The following WWOX variants were observed in gnomAD, a reference collection of about 807,000 sequenced individuals.
WWOX encodes WW domain containing oxidoreductase.
In WWOX, 69 loss-of-function variants were observed where a neutral mutation model predicts 46.2. That is an observed-to-expected ratio of 1.49 (90% CI 1.23 to 1.82). The LOEUF (loss-of-function observed/expected upper bound fraction) is 1.82. Among genes scored for constraint, WWOX ranks in the 40% most tolerant of loss-of-function variants. WWOX has a pLI of 0.00. For synonymous variants in WWOX, 359 were observed against 202.6 expected (o/e 1.77, Z -6.56); for missense variants, 919 against 542.6 (o/e 1.69, Z -6.89).
chr16:78,990,615 G>A lies in WWOX; in HGVS notation c.1057-220993G>A, dbSNP rs145917497. ...CACCCAAGTTGTAAGATGGTAGAGC[G>A]AACAGGCCAGAATGTGATAAAGTAA... On this transcript the variant is annotated intron_variant, in intron 8 of 8. Coordinates refer to ENST00000566780, the MANE Select transcript of WWOX (RefSeq NM_016373.4). 5.7e-3 allele frequency among the ~76,000 whole-genome samples: 867 copies of A among 152,162 alleles called. 5 individuals carry two copies. Among genetic ancestry groups the A allele is most frequent in the Non-Finnish European group, 7.5e-3 (509 of 68,024 alleles).
At chr16:79,063,836 A>T (rs1300796961) in intron 8 of WWOX, among the ~76,000 whole-genome samples, 1 of 152,256 alleles carries the variant, frequency 6.6e-6, no homozygotes, top group Non-Finnish European at 1.5e-5. Flanking sequence ...CTAAACAACC[A>T]GATGATGATA....
At position 78,927,359 on chromosome 16, in the gene WWOX, T is replaced by C. The variant is rs544725110; in HGVS notation, c.1057-284249T>C. 9.8e-5 allele frequency among the ~76,000 whole-genome samples: 15 copies of C among 152,316 alleles called. No individual in the cohort carries two copies. The East Asian group carries it at 2.9e-3, about 29-fold the overall frequency. On this transcript the variant is annotated intron_variant, in intron 8 of 8. Coordinates refer to ENST00000566780, the MANE Select transcript of WWOX (RefSeq NM_016373.4). ...GCAAGTCATTTAATTTCCTTGAGTT[T>C]TGGTGTAAGTATTGATGGAGCAGAC... is the stretch of plus-strand genomic sequence containing the variant.
At chr16:79,073,585 G>A (rs969994231) in intron 8 of WWOX, among the ~76,000 whole-genome samples, 2 of 152,170 alleles carry the variant, frequency 1.3e-5, no homozygotes, top group Admixed American at 1.3e-4. Flanking sequence ...CAGTGTTGCA[G>A]ACACTGCTGA....
At chr16:78,108,729 T>A (rs570315543) in intron 2 of WWOX, among the ~76,000 whole-genome samples, 2 of 152,252 alleles carry the variant, frequency 1.3e-5, no homozygotes, top group African/African-American at 4.8e-5. Flanking sequence ...GGCTCATGCC[T>A]GTAATCCCAG....
chr16:79,039,628 T>A (rs989648570), intron 8 of WWOX, among the ~76,000 whole-genome samples: 2 of 152,328 alleles, frequency 1.3e-5, no homozygotes, highest in South Asian at 4.1e-4. Flanking sequence ...GTAGGCTTCT[T>A]GACCCGGCAC....
At chr16:78,509,062 C>T (rs1278554749) in intron 8 of WWOX, among the ~76,000 whole-genome samples, 1 of 152,270 alleles carries the variant, frequency 6.6e-6, no homozygotes, top group African/African-American at 2.4e-5. Context: ...CCTGCCCTTG[C>T]ACAGTGGGCA....
In WWOX at chr16:78,225,584, C is replaced by T. The variant is rs181516550; in HGVS notation, c.516+61295C>T. ...ACTGGTTGAACGTGCCTATGTTTGA[C>T]TTTGAAATCATTAAATTCATTGAGG... On this transcript the variant is annotated intron_variant, in intron 5 of 8. Coordinates refer to ENST00000566780, the MANE Select transcript of WWOX (RefSeq NM_016373.4). 1.7e-3 allele frequency among the ~76,000 whole-genome samples: 258 copies of T among 152,196 alleles called. 4 individuals carry two copies. The highest frequency in any genetic ancestry group is 0.014 in the Admixed American group (207 of 15,290).
Position 78,787,389 on chromosome 16 carries a change from C to G in WWOX, c.1056+354637C>G, listed in dbSNP as rs149968910. ...TTGTGTCTCTATAGATTTGACTATT[C>G]TGGATATCTCATATAAATGGAATCA... On this transcript the variant is annotated intron_variant, in intron 8 of 8. Coordinates refer to ENST00000566780, the MANE Select transcript of WWOX (RefSeq NM_016373.4). Among the ~76,000 whole-genome samples, 408 of 152,246 alleles carry G rather than the reference C, an allele frequency of 2.7e-3. 3 individuals carry two copies. Among genetic ancestry groups the G allele is most frequent in the African/African-American group, 9.0e-3 (374 of 41,536 alleles).
intron 8 of WWOX, among the ~76,000 whole-genome samples, chr16:79,105,738 C>A (rs1366113983): frequency 6.6e-6 from 1 of 151,796 alleles, no homozygotes; most frequent in Non-Finnish European, 1.5e-5. Context: ...TCTTGGCTCA[C>A]TGCAACCTCC....
intron 5 of WWOX, among the ~76,000 whole-genome samples, chr16:78,334,075 C>G (rs78981577): frequency 6.6e-6 from 1 of 152,116 alleles, no homozygotes; most frequent in African/African-American, 2.4e-5. Flanking sequence ...GATGTTACAT[C>G]GCATAAAGAT....
At position 79,210,251 on chromosome 16, in the gene WWOX, A is replaced by G. The variant is rs563852420; in HGVS notation, c.1057-1357A>G. ...AAGCTAAAACCAAACAACAATGACA[A>G]CAACAAACCCAAGTCTGCCTTATGG... On this transcript the variant is annotated intron_variant, in intron 8 of 8. Transcript: ENST00000566780. 8.1e-4 allele frequency among the ~76,000 whole-genome samples: 123 copies of G among 152,344 alleles called. 1 individual carries two copies. The highest frequency in any genetic ancestry group is 2.9e-3 in the African/African-American group (121 of 41,574).
chr16:79,093,187 C>T (rs1348657212), intron 8 of WWOX, among the ~76,000 whole-genome samples: 7 of 152,048 alleles, frequency 4.6e-5, no homozygotes, highest in South Asian at 4.1e-4. Context: ...TATGTGTTTA[C>T]ATCTATCAGA....
At chr16:79,046,403 G>A (rs550618556) in intron 8 of WWOX, among the ~76,000 whole-genome samples, 1 of 152,296 alleles carries the variant, frequency 6.6e-6, no homozygotes, top group South Asian at 2.1e-4. Context: ...TGTGACAAAA[G>A]TATCACAGAC....
chr16:78,676,389 C>T (rs761801211), intron 8 of WWOX, among the ~76,000 whole-genome samples: 6 of 149,386 alleles, frequency 4.0e-5, no homozygotes, highest in Non-Finnish European at 5.9e-5. Context: ...TATTAACAGC[C>T]CTCCATATTT....
chr16:78,970,131 G>C (rs1296227996), intron 8 of WWOX, among the ~76,000 whole-genome samples: 1 of 152,164 alleles, frequency 6.6e-6, no homozygotes, highest in South Asian at 2.1e-4. Context: ...GATGTGGCCT[G>C]AGTAGCACAT....
At chr16:79,189,441 GT>G (rs2051086017) in intron 8 of WWOX, among the ~76,000 whole-genome samples, 1 of 121,884 alleles carries the variant, frequency 8.2e-6, no homozygotes, top group Admixed American at 7.6e-5. Context: ...GTGTGTGTGT[GT>G]GTGTGTGTGT....
chr16:78,175,732 T>C (rs1163983633), intron 5 of WWOX, among the ~76,000 whole-genome samples: 1 of 152,220 alleles, frequency 6.6e-6, no homozygotes, highest in Non-Finnish European at 1.5e-5. Flanking sequence ...TTCTGAATCC[T>C]TGACCCACAA....
intron 8 of WWOX, among the ~76,000 whole-genome samples, chr16:78,518,975 T>C (rs531089788): frequency 2.6e-5 from 4 of 152,376 alleles, no homozygotes; most frequent in African/African-American, 9.6e-5. Flanking sequence ...CTTGCTTGTT[T>C]ACTGTCTTCT....
chr16:78,444,053 T>C (rs2083503943), intron 8 of WWOX, among the ~76,000 whole-genome samples: 1 of 152,162 alleles, frequency 6.6e-6, no homozygotes, highest in Non-Finnish European at 1.5e-5. Context: ...AATGTTTTCC[T>C]AGCAAAAACA....
Sources: allele counts gnomAD v4.1 joint callset (sites outside exome capture counted in the v4.1 genomes callset), GRCh38; gene constraint gnomAD v4.1.1; transcripts MANE v1.5; gene names NCBI Gene and HGNC (gene_info 2026-07-23, HGNC 2026-07-21).